EPB41L2: variants seen among roughly 807,000 people sequenced by gnomAD.
EPB41L2 encodes the protein erythrocyte membrane protein band 4.1 like 2.
A neutral mutation model predicts 113.0 loss-of-function variants in EPB41L2; 43 were observed. The observed-to-expected ratio is 0.38, with a 90% CI of 0.30 to 0.49. EPB41L2 has a LOEUF of 0.49. Among genes scored for constraint, EPB41L2 ranks in the 20% least tolerant of loss-of-function variants. The pLI, the probability that EPB41L2 is intolerant of heterozygous loss-of-function variation, is 0.95. For synonymous variants in EPB41L2, 442 were observed against 436.7 expected (o/e 1.01, Z -0.15); for missense variants, 1,147 against 1,223.4 (o/e 0.94, Z 0.93).
chr6:130,996,051 ACT>A (rs1783021738), intron 1 of EPB41L2, among the ~76,000 whole-genome samples: 1 of 152,168 alleles, frequency 6.6e-6, no homozygotes, highest in African/African-American at 2.4e-5. Context: ...AGCCAGAGAT[ACT>A]CTGTCTCTTC....
intron 19 of EPB41L2, 126 bp downstream of exon 19, chr6:130,858,005 A>T: frequency 1.3e-6 from 1 of 753,158 alleles, no homozygotes; most frequent in Non-Finnish European, 2.3e-6. Flanking sequence ...GGATGATAAC[A>T]GTCTAGAAAG....
intron 12 of EPB41L2, chr6:130,881,931 C>T (rs530074426): frequency 2.0e-5 from 3 of 152,050 alleles, no homozygotes; most frequent in South Asian, 4.2e-4. Flanking sequence ...CCAAATACTA[C>T]AATAATAGGG....
At chr6:130,979,587 T>C (rs1318595938) in intron 1 of EPB41L2, among the ~76,000 whole-genome samples, 2 of 151,094 alleles carry the variant, frequency 1.3e-5, no homozygotes, top group Admixed American at 6.6e-5. Flanking sequence ...AATGAAGAGA[T>C]GGTATCAATA....
At chr6:131,036,663 A>C (rs1392965962) in intron 1 of EPB41L2, among the ~76,000 whole-genome samples, 1 of 152,204 alleles carries the variant, frequency 6.6e-6, no homozygotes, top group Non-Finnish European at 1.5e-5. Flanking sequence ...AATAACTTTT[A>C]TCTCCTCCAA....
chr6:130,924,467 C>T (rs1246192463), intron 4 of EPB41L2, among the ~76,000 whole-genome samples: 5 of 152,102 alleles, frequency 3.3e-5, no homozygotes, highest in African/African-American at 1.2e-4. Context: ...CAACCTCTAC[C>T]TCCCGGGTTC....
At chr6:130,853,642 G>A (rs1212815905) in intron 19 of EPB41L2, among the ~76,000 whole-genome samples, 1 of 152,082 alleles carries the variant, frequency 6.6e-6, no homozygotes, top group African/African-American at 2.4e-5. Context: ...AGGTGGACTT[G>A]GGAGGTTCGT....
chr6:130,856,044 T>C (rs187630112), intron 19 of EPB41L2, among the ~76,000 whole-genome samples: 23 of 152,146 alleles, frequency 1.5e-4, no homozygotes, highest in African/African-American at 5.5e-4. Context: ...GCAGATGAGA[T>C]GGGGGAAAGA....
At chr6:131,026,297 C>A (rs1458223882) in intron 1 of EPB41L2, among the ~76,000 whole-genome samples, 1 of 152,182 alleles carries the variant, frequency 6.6e-6, no homozygotes, top group Non-Finnish European at 1.5e-5. Context: ...CTGATTCAAC[C>A]CCCATAATAC....
At chr6:130,892,412 T>C (rs1217163658) in intron 10 of EPB41L2, among the ~76,000 whole-genome samples, 1 of 146,482 alleles carries the variant, frequency 6.8e-6, no homozygotes, top group East Asian at 1.9e-4. Flanking sequence ...GCTTTTTTTT[T>C]TTTTTTTTTT....
At chr6:131,035,507 C>T (rs1020791487) in intron 1 of EPB41L2, among the ~76,000 whole-genome samples, 8 of 152,190 alleles carry the variant, frequency 5.3e-5, no homozygotes, top group African/African-American at 1.9e-4. Context: ...AAGTTATGAT[C>T]TTTCCAACTG....
intron 1 of EPB41L2, among the ~76,000 whole-genome samples, chr6:131,040,989 T>G (rs986170120): frequency 5.9e-5 from 9 of 152,060 alleles, no homozygotes; most frequent in Admixed American, 5.9e-4. Context: ...GAAAAGGGAA[T>G]GAAAAAGGAA....
chr6:130,954,304 T>A (rs916390092), intron 3 of EPB41L2, among the ~76,000 whole-genome samples: 1 of 152,002 alleles, frequency 6.6e-6, no homozygotes, highest in Non-Finnish European at 1.5e-5. Context: ...CCGCCCGCCT[T>A]GGCCTCCCAA....
At chr6:130,893,575 G>A (rs921270667) in intron 10 of EPB41L2, among the ~76,000 whole-genome samples, 4 of 152,324 alleles carry the variant, frequency 2.6e-5, no homozygotes, top group Non-Finnish European at 4.4e-5. Context: ...TCCAGCTCAT[G>A]CTGGAAATTA....
At chr6:130,885,313 C>A in intron 11 of EPB41L2, 45 bp from the exon 12 acceptor site, 1 of 1,597,684 alleles carries the variant, frequency 6.3e-7, no homozygotes, top group South Asian at 1.1e-5. Context: ...ACATATGAAT[C>A]ATAAACTTTA....
chr6:130,901,131 G>T lies in EPB41L2; in HGVS notation c.979C>A (p.Pro327Thr), dbSNP rs745706841. 6.2e-7 allele frequency: 1 copy of T among 1,613,970 alleles called. No homozygotes were observed. Among genetic ancestry groups the T allele is most frequent in the Non-Finnish European group, 8.5e-7 (1 of 1,180,006 alleles). Residue 327 changes from proline to threonine, a missense_variant, in exon 7 of 20, where the codon CCC (proline) becomes ACC (threonine). Coordinates refer to ENST00000337057, the MANE Select transcript of EPB41L2 (RefSeq NM_001431.4). ...AGAGCATGAGTCACAAAAGAGCAGG[G>T]CAGGCGGCCAGAGGCAATGTCCTGC... is the stretch of plus-strand genomic sequence containing the variant. Reference protein sequence around the residue: ...LRQDIASGRLPCSFVTHALLG... With the variant: ...LRQDIASGRLTCSFVTHALLG...
chr6:131,045,332 C>A (rs1187751132), intron 1 of EPB41L2, among the ~76,000 whole-genome samples: 1 of 151,898 alleles, frequency 6.6e-6, no homozygotes. Flanking sequence ...TTTAAATATT[C>A]ATTTAATATG....
rs368997638 is a variant in EPB41L2, at chr6:130,895,014, T to C, written c.1342A>G (p.Ile448Val). Residue 448 changes from isoleucine (I) to valine (V), a missense_variant, in exon 9 of 20, where the codon ATT (isoleucine) becomes GTT (valine). Physicochemically the swap from Ile to Val is conservative, Grantham distance 29. Transcript: ENST00000337057. ...NRFAWPKILK[I>V]SYKRSNFYIK... ...TAGAAGTTACTGCGTTTATAGGAAA[T>C]TTTTAAGATTTTCGGCCAAGCAAAA... is the stretch of plus-strand genomic sequence containing the variant. The C allele has an allele frequency of 7.2e-5, 117 of 1,613,934 alleles. No individual in the cohort carries two copies. Among genetic ancestry groups the C allele is most frequent in the Non-Finnish European group, 9.7e-5 (114 of 1,179,936 alleles).
intron 1 of EPB41L2, among the ~76,000 whole-genome samples, chr6:131,023,197 G>A (rs543108929): frequency 7.2e-5 from 11 of 152,198 alleles, no homozygotes; most frequent in Non-Finnish European, 1.5e-4. Context: ...ATGTGTATGT[G>A]ACTACTATGT....
chr6:130,960,208 T>C (rs1455671399), intron 1 of EPB41L2, among the ~76,000 whole-genome samples: 4 of 152,196 alleles, frequency 2.6e-5, no homozygotes, highest in African/African-American at 7.2e-5. Context: ...AGCTCCATTA[T>C]GCACGAATGA....
Sources: gnomAD v4.1 joint callset for allele counts (sites outside exome capture counted in the v4.1 genomes callset) on GRCh38, gnomAD v4.1.1 for gene constraint, MANE v1.5 for transcripts, NCBI Gene and HGNC (gene_info 2026-07-23, HGNC 2026-07-21) for gene names.